Variants in TTC13 observed in about 807,000 individuals in gnomAD.
TTC13 encodes tetratricopeptide repeat domain 13.
A neutral mutation model predicts 120.0 loss-of-function variants in TTC13; 62 were observed. The observed-to-expected ratio is 0.52, with a 90% confidence interval of 0.42 to 0.64. The LOEUF (loss-of-function observed/expected upper bound fraction) is 0.64, where lower values mean the gene tolerates loss of function less well. TTC13 is among the 30% of genes least tolerant of loss of function. The pLI, the probability that TTC13 is intolerant of heterozygous loss-of-function variation, is 0.00. For synonymous variants in TTC13, 384 were observed against 393.5 expected (o/e 0.98, Z 0.28); for missense variants, 824 against 1,050.2 (o/e 0.78, Z 2.98).
intron 4 of TTC13, among the ~76,000 whole-genome samples, chr1:230,949,937 C>T (rs1220784492): frequency 6.6e-6 from 1 of 152,226 alleles, no homozygotes; most frequent in Non-Finnish European, 1.5e-5. Flanking sequence ...GCCTGAGCCA[C>T]CACGCCCGGC....
intron 1 of TTC13, among the ~76,000 whole-genome samples, chr1:230,963,327 G>A (rs1676815816): frequency 6.6e-6 from 1 of 152,110 alleles, no homozygotes; most frequent in African/African-American, 2.4e-5. Context: ...ATTTCACAAG[G>A]CATAAGCAGG....
chr1:230,914,393 TTTTC>T lies in TTC13; in HGVS notation c.2094-1639_2094-1636del, dbSNP rs1174365511. On this transcript the variant is annotated intron_variant, in intron 18 of 22. Transcript: ENST00000366661. ...ATAGTTAAGTATATTTTCCTTATTA[TTTTC>T]TTTTTTTTTCTCTTTTTGAGATGGA... 4.8e-3 allele frequency among the ~76,000 whole-genome samples: 488 copies of T among 102,186 alleles called. 1 individual carries two copies. The highest frequency in any genetic ancestry group is 0.015 in the African/African-American group (449 of 29,700). The allele number at this position is 102,186 out of a possible 152,430, so 67.0% of individuals were successfully genotyped here. A position where few individuals can be genotyped will look rare whatever the true frequency, so the allele number is the denominator to read the frequency against.
At chr1:230,949,820 T>C (rs1675388060) in intron 4 of TTC13, among the ~76,000 whole-genome samples, 1 of 152,062 alleles carries the variant, frequency 6.6e-6, no homozygotes, top group Non-Finnish European at 1.5e-5. Flanking sequence ...TAATTTTGTT[T>C]TTGTATTTTT....
chr1:230,918,627 A>C (rs1323088858), intron 17 of TTC13, among the ~76,000 whole-genome samples: 54 of 152,208 alleles, frequency 3.5e-4, no homozygotes, highest in Non-Finnish European at 4.4e-5. Flanking sequence ...GTTGAGGGGC[A>C]CTGTGTTAGT....
chr1:230,932,482 T>C (rs1280651244), intron 9 of TTC13, among the ~76,000 whole-genome samples: 2 of 152,190 alleles, frequency 1.3e-5, no homozygotes, highest in Non-Finnish European at 2.9e-5. Flanking sequence ...TCTCACTGCA[T>C]TGCTCAGGCT....
chr1:230,935,739 C>G (rs1013526452), intron 8 of TTC13, among the ~76,000 whole-genome samples: 28 of 152,268 alleles, frequency 1.8e-4, no homozygotes, highest in African/African-American at 6.7e-4. Flanking sequence ...GAGATGATTA[C>G]TACTAGCAGC....
rs768851201 is a variant in TTC13 at position 230,943,896 on chromosome 1, G to A, written c.582C>T (p.Asp194=). ...GIAYGKKGLH[D]IKNAELALFE... is the part of the protein sequence containing the mutation. Reference sequence around the variant, plus strand: ...ACAGAGCAAGCTCAGCATTCTTAATGTCCTTGAAAAGGCATTAGCTTAGTA... The same window carrying A: ...ACAGAGCAAGCTCAGCATTCTTAATATCCTTGAAAAGGCATTAGCTTAGTA... The change falls in exon 6 of 23, where the codon GAC becomes GAT. Residue 194 remains aspartate (D), a splice_region_variant and synonymous_variant. Transcript: ENST00000366661. 2 of 1,606,586 alleles carry A rather than the reference G, an allele frequency of 1.2e-6. No homozygotes were observed. Among genetic ancestry groups the A allele is most frequent in the South Asian group, 1.1e-5 (1 of 90,118 alleles).
In TTC13 at chr1:230,970,599, G is replaced by C. The variant is rs749067139; in HGVS notation, c.271+7961C>G. ...AGGCCAGTAGCTGGGGTGGTGGGGA[G>C]CAAGGAAGTTGTTTTCTCACTGCTT... On this transcript the variant is annotated intron_variant, in intron 1 of 22. Coordinates refer to ENST00000366661, the MANE Select transcript of TTC13 (RefSeq NM_024525.5). Among the ~76,000 whole-genome samples, 3 of 152,300 alleles carry C rather than the reference G, an allele frequency of 2.0e-5. No individual in the cohort carries two copies. In the East Asian group the frequency reaches 5.8e-4, roughly 29 times the overall value.
In TTC13 at chr1:230,923,894, T is replaced by C; in HGVS notation, c.1761A>G (p.Gln587=). 1 of 1,614,064 alleles carries C rather than the reference T, an allele frequency of 6.2e-7. No homozygotes were observed. Among genetic ancestry groups the C allele is most frequent in the Non-Finnish European group, 8.5e-7 (1 of 1,179,932 alleles). ...CTCTGCTAAGACTTCGTGCTGGCAT[T>C]TGATCTAACCACAGCACGGGCTGGT... ...DPDQPVLWLD[Q]MPARSLSRGF... The change falls in exon 15 of 23, where the codon CAA becomes CAG. Residue 587 remains glutamine (Q), a synonymous_variant. Transcript: ENST00000366661.
chr1:230,919,056 C>CAAAT (rs1672316473), intron 17 of TTC13, among the ~76,000 whole-genome samples: 3 of 152,120 alleles, frequency 2.0e-5, no homozygotes, highest in African/African-American at 7.2e-5. Context: ...TAATTTCTGT[C>CAAAT]CCTTTTAGTG....
chr1:230,973,939 T>C (rs1204696109), intron 1 of TTC13, among the ~76,000 whole-genome samples: 1 of 151,848 alleles, frequency 6.6e-6, no homozygotes, highest in African/African-American at 2.4e-5. Flanking sequence ...TAGTCAGGCT[T>C]GGTGGCAGGC....
chr1:230,930,576 G>A (rs1673448085), intron 11 of TTC13, among the ~76,000 whole-genome samples: 1 of 152,148 alleles, frequency 6.6e-6, no homozygotes, highest in South Asian at 2.1e-4. Context: ...AAATATATGA[G>A]AATTTTGATA....
intron 1 of TTC13, among the ~76,000 whole-genome samples, chr1:230,965,036 G>A (rs6541246): frequency 0.7 from 106,558 of 152,040 alleles, 37,903 homozygotes; most frequent in African/African-American, 0.83. Context: ...ACAAGAAAAC[G>A]TTGGGGAAGC....
chr1:230,945,280 A>G, intron 5 of TTC13, 109 bp downstream of exon 5: 1 of 969,862 alleles, frequency 1.0e-6, no homozygotes, highest in Non-Finnish European at 1.7e-6. Flanking sequence ...AATGATAGAT[A>G]CCACTCCACA....
At chr1:230,923,214 C>T (rs6666486) in intron 15 of TTC13, among the ~76,000 whole-genome samples, 103,814 of 151,868 alleles carry the variant, frequency 0.68, 35,564 homozygotes, top group Admixed American at 0.72. Flanking sequence ...AAACTGATAT[C>T]CTTTAATATT....
chr1:230,963,236 A>G (rs796105504), intron 1 of TTC13, among the ~76,000 whole-genome samples: 1 of 152,144 alleles, frequency 6.6e-6, no homozygotes, highest in South Asian at 2.1e-4. Flanking sequence ...CACGTGTTGT[A>G]TATCTTAACA....
chr1:230,976,399 T>C (rs1678310984), intron 1 of TTC13, among the ~76,000 whole-genome samples: 2 of 152,322 alleles, frequency 1.3e-5, no homozygotes, highest in African/African-American at 4.8e-5. Flanking sequence ...AGCTTCTACA[T>C]AGTTGTCCAG....
At chr1:230,911,574 TAA>T in intron 19 of TTC13, 25 bp from the exon 20 acceptor site, 3 of 1,440,628 alleles carry the variant, frequency 2.1e-6, no homozygotes. Context: ...TACAGACTCA[TAA>T]ATACTATAAA....
In TTC13 at chr1:230,961,330, C is replaced by T. The variant is rs184661181; in HGVS notation, c.272-27G>A. On this transcript the variant is annotated intron_variant, in intron 1 of 22. Transcript: ENST00000366661. ...TGAAAGGCAAGCATTCTTTGTTATT[C>T]TCTACACCTTAATTTATGCTCTTAG... is the stretch of plus-strand genomic sequence containing the variant. The T allele has an allele frequency of 4.1e-4, 625 of 1,517,888 alleles. 5 individuals carry two copies. In the South Asian group the frequency reaches 4.7e-3, roughly 12 times the overall value. 94.0% of individuals were successfully genotyped at this position (1,517,888 alleles called of 1,614,324 possible).
Sources: allele counts gnomAD v4.1 joint callset (sites outside exome capture counted in the v4.1 genomes callset), GRCh38; gene constraint gnomAD v4.1.1; transcripts MANE v1.5; gene names NCBI Gene and HGNC (gene_info 2026-07-23, HGNC 2026-07-21).